Variants in NAV3 observed in about 807,000 individuals in gnomAD.
The protein encoded by NAV3 is pore membrane and/or filament interacting like protein 1.
Under a neutral mutation model 244.7 loss-of-function variants are expected in NAV3, and 87 were observed. The ratio of observed to expected loss-of-function variants is 0.36; its 90% confidence interval spans 0.30 to 0.42. The LOEUF (loss-of-function observed/expected upper bound fraction) is 0.42, where lower values mean the gene tolerates loss of function less well. Among genes scored for constraint, NAV3 ranks in the 20% least tolerant of loss-of-function variants. The pLI is 1.00. For missense variants in NAV3, 2,663 were observed against 2,893.3 expected, an observed-to-expected ratio of 0.92 and a Z score of 1.83; for synonymous variants, 1,126 against 1,042.2, an observed-to-expected ratio of 1.08 and a Z score of -1.55.
intron 3 of NAV3, among the ~76,000 whole-genome samples, chr12:77,961,230 A>G (rs111204042): frequency 0.38 from 4,751 of 12,590 alleles, 267 homozygotes; most frequent in African/African-American, 0.41. Flanking sequence ...CTATATATGT[A>G]ATAATATATT....
At chr12:78,195,392 T>C (rs35569669) in intron 34 of NAV3, among the ~76,000 whole-genome samples, 52,952 of 151,498 alleles carry the variant, frequency 0.35, 10,225 homozygotes, top group Non-Finnish European at 0.45. Context: ...TTTTCCCTTT[T>C]AACCACTGTA....
At chr12:77,828,062 C>T (rs901292193), upstream of NAV3, among the ~76,000 whole-genome samples, 1 of 152,128 alleles carries the variant, frequency 6.6e-6, no homozygotes, top group African/African-American at 2.4e-5. Context: ...CCTCCAAAAA[C>T]TCATGTTGAA....
At chr12:77,767,920 G>T (rs1363101210) in intron 2 of NAV3, among the ~76,000 whole-genome samples, 1 of 152,198 alleles carries the variant, frequency 6.6e-6, no homozygotes, top group African/African-American at 2.4e-5. Context: ...CCCAAGTTTT[G>T]TCCCACATCC....
chr12:77,878,571 T>G (rs921451134), intron 1 of NAV3, among the ~76,000 whole-genome samples: 1 of 151,736 alleles, frequency 6.6e-6, no homozygotes, highest in Admixed American at 6.6e-5. Flanking sequence ...ATACACACCA[T>G]AGTTACATAA....
Position 77,831,354 on chromosome 12 carries a change from T to G in NAV3, c.-108T>G. ...TTAGCTTTTTAAAAATCAGGATGAC[T>G]GCTAGTTTTGTTTAAAGTATTTGTT... On this transcript the variant is annotated 5_prime_UTR_variant, in exon 1 of 40. Transcript: ENST00000397909. 1 of 1,170,836 alleles carries G rather than the reference T, an allele frequency of 8.5e-7. No homozygotes were observed. Among genetic ancestry groups the G allele is most frequent in the Non-Finnish European group, 1.2e-6 (1 of 861,498 alleles). The allele number at this position is 1,170,836 out of a possible 1,614,324, so 72.5% of individuals were successfully genotyped here. A position where few individuals can be genotyped will look rare whatever the true frequency, so the allele number is the denominator to read the frequency against.
chr12:77,918,413 T>C (rs1246933877), intron 1 of NAV3, among the ~76,000 whole-genome samples: 1 of 152,106 alleles, frequency 6.6e-6, no homozygotes, highest in Non-Finnish European at 1.5e-5. Flanking sequence ...CTAGAACTGT[T>C]AGCTACTGAT....
At chr12:78,209,570 C>G (rs1338499106) in intron 39 of NAV3, among the ~76,000 whole-genome samples, 1 of 151,466 alleles carries the variant, frequency 6.6e-6, no homozygotes, top group Admixed American at 6.6e-5. Context: ...AAGTCCATCT[C>G]TAACAGTGGA....
At chr12:77,733,502 A>G (rs1282553439) in intron 2 of NAV3, among the ~76,000 whole-genome samples, 1 of 152,044 alleles carries the variant, frequency 6.6e-6, no homozygotes, top group Non-Finnish European at 1.5e-5. Flanking sequence ...CACCATATAA[A>G]TCACCTGTAT....
intron 2 of NAV3, among the ~76,000 whole-genome samples, chr12:77,757,381 C>A (rs112085485): frequency 6.6e-6 from 1 of 152,162 alleles, no homozygotes; most frequent in Admixed American, 6.5e-5. Context: ...AACTAGTTTA[C>A]CACACTACCT....
chr12:77,828,828 T>C (rs986805777), upstream of NAV3, among the ~76,000 whole-genome samples: 2 of 152,234 alleles, frequency 1.3e-5, no homozygotes, highest in East Asian at 1.9e-4. Flanking sequence ...TCCTTTTTTT[T>C]CAATCTAATT....
intron 2 of NAV3, among the ~76,000 whole-genome samples, chr12:77,630,312 CA>C (rs1871832518): frequency 6.6e-6 from 1 of 152,120 alleles, no homozygotes; most frequent in East Asian, 1.9e-4. Context: ...TGTAGATTAG[CA>C]ACTTTTTATG....
chr12:77,854,283 T>A (rs1878013008), intron 1 of NAV3, among the ~76,000 whole-genome samples: 1 of 152,210 alleles, frequency 6.6e-6, no homozygotes, highest in South Asian at 2.1e-4. Context: ...TTCTGTTGAT[T>A]CAGCTTAGAG....
At chr12:78,141,719 G>A (rs1219043438) in intron 20 of NAV3, among the ~76,000 whole-genome samples, 1 of 152,054 alleles carries the variant, frequency 6.6e-6, no homozygotes, top group Non-Finnish European at 1.5e-5. Context: ...TTAGGTAAAT[G>A]TACTTTTTGT....
chr12:78,198,672 T>C lies in NAV3; in HGVS notation c.6514T>C (p.Phe2172Leu). The C allele has an allele frequency of 6.5e-7, 1 of 1,534,082 alleles. No homozygotes were observed. Among genetic ancestry groups the C allele is most frequent in the Non-Finnish European group, 8.8e-7 (1 of 1,132,758 alleles). ...SSPNLELHHN[F>L]RWVLCANHTE... ...ACCAAATCTAGAGCTGCATCACAATTTCAGGTAAAGTTAAGTTGAAGGTTT... is the reference window on the plus strand; with the variant it reads ...ACCAAATCTAGAGCTGCATCACAATCTCAGGTAAAGTTAAGTTGAAGGTTT... The change falls in exon 36 of 40, where the codon TTC becomes CTC. Residue 2172 changes from phenylalanine to leucine, a missense_variant. By Grantham distance (22) the Phe-to-Leu change is conservative (BLOSUM62 0). This residue lies in a region of NAV3 where 543 missense variants were observed against 672.4 expected (regional missense o/e 0.81). Transcript: ENST00000397909.
At position 77,863,515 on chromosome 12, in the gene NAV3, A is replaced by G. The variant is rs76510386; in HGVS notation, c.243+31811A>G. 2.8e-3 allele frequency among the ~76,000 whole-genome samples: 430 copies of G among 151,956 alleles called. 2 individuals carry two copies. The highest frequency in any genetic ancestry group is 4.0e-3 in the East Asian group (21 of 5,188). Reference sequence around the variant, plus strand: ...ATAAAAAAACAAATAAAATTCTCCTATATTTTCTTGTACCATAAGTCATTC... The same window carrying G: ...ATAAAAAAACAAATAAAATTCTCCTGTATTTTCTTGTACCATAAGTCATTC... On this transcript the variant is annotated intron_variant, in intron 1 of 39. Transcript: ENST00000397909.
chr12:77,791,032 G>A lies in NAV3; in HGVS notation c.73-149287G>A, dbSNP rs538050902. On this transcript the variant is annotated intron_variant, in intron 2 of 8. Transcript: ENST00000550042. Reference sequence around the variant, plus strand: ...GCAGGAAGCTTGATCTCAAGTTGGTGCTTTCTTTGTTCCTGTAGGACAATA... The same window carrying A: ...GCAGGAAGCTTGATCTCAAGTTGGTACTTTCTTTGTTCCTGTAGGACAATA... Among the ~76,000 whole-genome samples, 3 of 152,264 alleles carry A rather than the reference G, an allele frequency of 2.0e-5. No homozygotes were observed. In the South Asian group the frequency reaches 6.2e-4, roughly 32 times the overall value.
intron 16 of NAV3, among the ~76,000 whole-genome samples, chr12:78,124,436 TTTATG>T (rs139689944): frequency 0.97 from 147,338 of 151,500 alleles, 71,773 homozygotes; most frequent in Non-Finnish European, 0.99. Context: ...GCCAATTTTA[TTTATG>T]TTATGTTATG....
At chr12:78,018,798 A>G (rs923621179) in intron 8 of NAV3, among the ~76,000 whole-genome samples, 27 of 152,134 alleles carry the variant, frequency 1.8e-4, no homozygotes, top group African/African-American at 6.5e-4. Flanking sequence ...CTTCTTCAGC[A>G]AGTAATAAAA....
At chr12:78,118,584 G>T (rs1955526606) in intron 14 of NAV3, among the ~76,000 whole-genome samples, 1 of 152,154 alleles carries the variant, frequency 6.6e-6, no homozygotes, top group Non-Finnish European at 1.5e-5. Flanking sequence ...AATAAGATTA[G>T]GTTGCTAAAG....
Sources: gnomAD v4.1 joint callset for allele counts (sites outside exome capture counted in the v4.1 genomes callset) on GRCh38, gnomAD v4.1.1 for gene constraint, gnomAD v4.1.1 regional missense constraint, MANE v1.5 for transcripts, NCBI Gene and HGNC (gene_info 2026-07-23, HGNC 2026-07-21) for gene names.